Variants in PXDC1 observed in about 807,000 individuals in gnomAD.
The protein encoded by PXDC1 is PX domain containing 1.
A neutral mutation model predicts 24.4 loss-of-function variants in PXDC1; 13 were observed. The ratio of observed to expected loss-of-function variants is 0.53; its 90% CI spans 0.35 to 0.85. The LOEUF is 0.85. PXDC1 is among the 40% of genes least tolerant of loss of function. The pLI, the probability that PXDC1 is intolerant of heterozygous loss-of-function variation, is 0.01. For synonymous variants in PXDC1, 162 were observed against 124.9 expected (o/e 1.30, Z -1.98); for missense variants, 344 against 309.3 (o/e 1.11, Z -0.84).
At chr6:3,738,244 C>G in intron 1 of PXDC1, 96 bp from the exon 2 acceptor site, 1 of 897,656 alleles carries the variant, frequency 1.1e-6, no homozygotes, top group South Asian at 1.4e-5. Context: ...CCGCCAGGGT[C>G]GTCATCTGTA....
intron 1 of PXDC1, 26 bp downstream of exon 1, chr6:3,751,250 C>A: frequency 7.0e-7 from 1 of 1,438,732 alleles, no homozygotes; most frequent in South Asian, 1.4e-5. Context: ...CGGCCCCGCG[C>A]CCCTCCCGCG....
intron 1 of PXDC1, chr6:3,739,171 A>G: frequency 9.2e-7 from 1 of 1,086,944 alleles, no homozygotes. Flanking sequence ...TCTATAAGAG[A>G]GATAAAAAAA....
chr6:3,751,070 C>T (rs2127603530), intron 1 of PXDC1: 2 of 489,718 alleles, frequency 4.1e-6, no homozygotes, highest in Non-Finnish European at 7.1e-6. Context: ...GCCGGGGGCG[C>T]CCCCAGGCTG....
chr6:3,723,779 G>A, intron 4 of PXDC1, 43 bp from the exon 5 acceptor site: 2 of 1,509,582 alleles, frequency 1.3e-6, no homozygotes, highest in Non-Finnish European at 1.8e-6. Context: ...CTCATTGTTG[G>A]GATCAACACC....
At chr6:3,739,355 C>T (rs770763563) in intron 1 of PXDC1, among the ~76,000 whole-genome samples, 6 of 152,214 alleles carry the variant, frequency 3.9e-5, no homozygotes, top group Non-Finnish European at 7.3e-5. Context: ...GAACCTTCTC[C>T]CCACTTCCTC....
At chr6:3,748,421 C>G (rs955510386) in intron 1 of PXDC1, among the ~76,000 whole-genome samples, 4 of 152,034 alleles carry the variant, frequency 2.6e-5, no homozygotes, top group African/African-American at 9.7e-5. Flanking sequence ...CAGCCCGGTC[C>G]GACCTCACCC....
intron 4 of PXDC1, 56 bp from the exon 5 acceptor site, chr6:3,723,792 A>C: frequency 7.3e-7 from 1 of 1,374,040 alleles, no homozygotes; most frequent in Admixed American, 1.7e-5. Context: ...TCAACACCAA[A>C]CACCCGCCGG....
chr6:3,726,650 C>G (rs1432650627), intron 4 of PXDC1, among the ~76,000 whole-genome samples: 1 of 152,250 alleles, frequency 6.6e-6, no homozygotes, highest in Non-Finnish European at 1.5e-5. Flanking sequence ...CGCCCACAGG[C>G]CCGGATGTGG....
At chr6:3,749,389 C>T (rs918339154) in intron 1 of PXDC1, among the ~76,000 whole-genome samples, 17 of 150,902 alleles carry the variant, frequency 1.1e-4, no homozygotes, top group Non-Finnish European at 4.4e-5. Context: ...CTATCATATC[C>T]CTTCTGAGCC....
chr6:3,732,911 G>T (rs949042714), intron 3 of PXDC1, among the ~76,000 whole-genome samples: 1 of 152,184 alleles, frequency 6.6e-6, no homozygotes, highest in Non-Finnish European at 1.5e-5. Context: ...GTGGGCTCTC[G>T]GCCGGGAATG....
intron 1 of PXDC1, among the ~76,000 whole-genome samples, chr6:3,741,744 G>A (rs1760452801): frequency 6.6e-6 from 1 of 152,244 alleles, no homozygotes; most frequent in Non-Finnish European, 1.5e-5. Context: ...GCTGCCTTGA[G>A]CAGCAAACGC....
chr6:3,732,044 G>T (rs1760211261), intron 3 of PXDC1, among the ~76,000 whole-genome samples: 1 of 152,212 alleles, frequency 6.6e-6, no homozygotes, highest in Non-Finnish European at 1.5e-5. Context: ...TGCAAATCCT[G>T]TTTCTCCTCA....
intron 3 of PXDC1, among the ~76,000 whole-genome samples, chr6:3,733,264 G>A (rs759500982): frequency 6.6e-6 from 1 of 152,164 alleles, no homozygotes. Flanking sequence ...TCTGGACCCC[G>A]CGCCTCAGCC....
chr6:3,739,695 G>C (rs980827367), intron 1 of PXDC1, among the ~76,000 whole-genome samples: 4 of 152,270 alleles, frequency 2.6e-5, no homozygotes, highest in African/African-American at 9.6e-5. Context: ...AAGCAGGGTG[G>C]AGAAGGAAGA....
chr6:3,744,848 C>T (rs1343122680), intron 1 of PXDC1, among the ~76,000 whole-genome samples: 3 of 152,216 alleles, frequency 2.0e-5, no homozygotes, highest in African/African-American at 7.2e-5. Context: ...CAGGCATGCG[C>T]GCTACCAGGC....
chr6:3,736,632 C>T (rs1760322701), intron 3 of PXDC1, among the ~76,000 whole-genome samples: 1 of 152,224 alleles, frequency 6.6e-6, no homozygotes, highest in South Asian at 2.1e-4. Flanking sequence ...TCCTTCCTTC[C>T]TGTGCCAGGA....
chr6:3,741,355 A>G (rs1760444749), intron 1 of PXDC1, among the ~76,000 whole-genome samples: 1 of 152,238 alleles, frequency 6.6e-6, no homozygotes, highest in African/African-American at 2.4e-5. Flanking sequence ...AGCCTGAGAA[A>G]ATTTAGATGG....
chr6:3,727,625 G>C lies in PXDC1; in HGVS notation c.504C>G (p.Thr168=), dbSNP rs138093421. ...TACTGTGGTCAATAACTATTGTTTC[G>C]GTATTTGCTAAACAAAATCCATTGG... ...MRSNGFCLAN[T]ETIVIDHSIP... Residue 168 remains threonine (T), a synonymous_variant, in exon 4 of 5, where the codon ACC becomes ACG. Transcript: ENST00000380283. 3.0e-4 allele frequency: 488 copies of C among 1,613,738 alleles called. 3 individuals are homozygous for C. The African/African-American group carries it at 5.9e-3, about 19-fold the overall frequency.
chr6:3,742,149 G>A (rs1760462917), intron 1 of PXDC1, among the ~76,000 whole-genome samples: 1 of 152,160 alleles, frequency 6.6e-6, no homozygotes, highest in African/African-American at 2.4e-5. Flanking sequence ...GAACAGACAA[G>A]AACTATGAGT....
Sources: allele counts gnomAD v4.1 joint callset (sites outside exome capture counted in the v4.1 genomes callset), GRCh38; gene constraint gnomAD v4.1.1; transcripts MANE v1.5; gene names NCBI Gene and HGNC (gene_info 2026-07-23, HGNC 2026-07-21).